The following CDCA2 variants were observed in gnomAD, a reference collection of about 807,000 sequenced individuals.
CDCA2 encodes the protein cell division cycle associated 2.
In CDCA2, 44 loss-of-function variants were observed where a neutral mutation model predicts 67.0. That is an observed-to-expected ratio of 0.66 (90% CI 0.52 to 0.84). The LOEUF (loss-of-function observed/expected upper bound fraction) is 0.84, where lower values mean the gene tolerates loss of function less well. CDCA2 is among the 40% of genes least tolerant of loss of function. The pLI, the probability that CDCA2 is intolerant of heterozygous loss-of-function variation, is 0.00. For missense variants in CDCA2, 1,253 were observed against 1,203.2 expected, an observed-to-expected ratio of 1.04 and a Z score of -0.61; for synonymous variants, 447 against 418.7, an observed-to-expected ratio of 1.07 and a Z score of -0.82.
At chr8:25,493,288 T>A (rs1804084592) in intron 13 of CDCA2, among the ~76,000 whole-genome samples, 1 of 152,196 alleles carries the variant, frequency 6.6e-6, no homozygotes, top group South Asian at 2.1e-4. Flanking sequence ...TAACTAAAAT[T>A]AGATTAAATG....
intron 5 of CDCA2, among the ~76,000 whole-genome samples, chr8:25,466,915 G>A (rs936896760): frequency 6.6e-6 from 1 of 151,824 alleles, no homozygotes; most frequent in Non-Finnish European, 1.5e-5. Context: ...GGTGACACAT[G>A]CCTGTAACTC....
intron 10 of CDCA2, among the ~76,000 whole-genome samples, chr8:25,485,377 A>T (rs1036654551): frequency 2.0e-5 from 3 of 152,084 alleles, no homozygotes; most frequent in Admixed American, 6.5e-5. Context: ...ATCTGTATTT[A>T]TATTGCCATC....
At chr8:25,505,550 G>A (rs1370200497) in intron 14 of CDCA2, among the ~76,000 whole-genome samples, 2 of 152,140 alleles carry the variant, frequency 1.3e-5, no homozygotes, top group East Asian at 3.9e-4. Flanking sequence ...AACATTGGTT[G>A]GCACTGAGTG....
At chr8:25,498,760 C>T (rs1460922510) in intron 13 of CDCA2, among the ~76,000 whole-genome samples, 3 of 152,086 alleles carry the variant, frequency 2.0e-5, no homozygotes, top group Admixed American at 6.5e-5. Flanking sequence ...ACTAATCTTT[C>T]TTCATTCCTA....
rs376437624 is a variant in CDCA2 at position 25,488,697 on chromosome 8, T to G, written c.1671+8T>G. 29 of 1,595,920 alleles carry G rather than the reference T, an allele frequency of 1.8e-5. No individual in the cohort carries two copies. The highest frequency in any genetic ancestry group is 2.3e-5 in the Non-Finnish European group (27 of 1,173,978). On this transcript the variant is annotated splice_region_variant and intron_variant, in intron 13 of 14. Coordinates refer to ENST00000330560, the MANE Select transcript of CDCA2 (RefSeq NM_152562.4). The stretch of plus-strand genomic sequence containing the variant: ...CTTCCTAAGAAGAGTCAGGTAAGCA[T>G]GTGTTTAAAGATATAATAAAGAGTA...
intron 5 of CDCA2, among the ~76,000 whole-genome samples, chr8:25,467,119 C>T (rs1272353422): frequency 7.0e-6 from 1 of 143,742 alleles, no homozygotes; most frequent in African/African-American, 2.5e-5. Flanking sequence ...TATTCTTTAA[C>T]TCTTAGATTG....
At chr8:25,478,117 A>T (rs1421065532) in intron 7 of CDCA2, among the ~76,000 whole-genome samples, 2 of 150,760 alleles carry the variant, frequency 1.3e-5, no homozygotes. Flanking sequence ...TAGGTACAGG[A>T]TCCTACTATG....
intron 9 of CDCA2, among the ~76,000 whole-genome samples, chr8:25,483,756 T>C (rs1037931924): frequency 6.6e-6 from 1 of 152,244 alleles, no homozygotes; most frequent in Non-Finnish European, 1.5e-5. Context: ...AATTTTTACT[T>C]GGAAATCTGT....
intron 7 of CDCA2, among the ~76,000 whole-genome samples, chr8:25,476,766 C>A (rs981027024): frequency 1.3e-5 from 2 of 151,994 alleles, no homozygotes; most frequent in Admixed American, 6.5e-5. Flanking sequence ...GTTGGCCGGG[C>A]TGCTCTCAAA....
At chr8:25,503,055 G>A (rs779410072) in intron 13 of CDCA2, among the ~76,000 whole-genome samples, 1 of 152,240 alleles carries the variant, frequency 6.6e-6, no homozygotes, top group Non-Finnish European at 1.5e-5. Context: ...GCCAAGGCAG[G>A]AGGATCTCTT....
chr8:25,470,905 G>T (rs950189698), intron 7 of CDCA2, among the ~76,000 whole-genome samples: 1 of 151,968 alleles, frequency 6.6e-6, no homozygotes, highest in African/African-American at 2.4e-5. Flanking sequence ...GGGATTACAG[G>T]CGTGCACCAC....
At chr8:25,487,187 A>C (rs983778071) in intron 11 of CDCA2, 59 bp from the exon 12 acceptor site, 2 of 986,648 alleles carry the variant, frequency 2.0e-6, no homozygotes, top group African/African-American at 3.2e-5. Context: ...TTCCAAAGGA[A>C]GATGTATGTT....
intron 4 of CDCA2, 99 bp from the exon 5 acceptor site, chr8:25,466,076 T>A: frequency 9.3e-7 from 1 of 1,077,598 alleles, no homozygotes; most frequent in South Asian, 1.6e-5. Flanking sequence ...AAAAAGCATA[T>A]GTGTACTGTA....
intron 5 of CDCA2, among the ~76,000 whole-genome samples, chr8:25,467,105 GCTATATT>G (rs1222575461): frequency 1.4e-5 from 2 of 143,600 alleles, no homozygotes; most frequent in African/African-American, 5.2e-5. Context: ...CTGATAATCT[GCTATATT>G]CTTTAACTCT....
At chr8:25,488,761 T>C (rs1803883081) in intron 13 of CDCA2, 72 bp downstream of exon 13, 1 of 1,381,700 alleles carries the variant, frequency 7.2e-7, no homozygotes, top group African/African-American at 1.5e-5. Flanking sequence ...TAGGAAAATA[T>C]AGAAACACAT....
chr8:25,498,382 AT>A (rs1804320984), intron 13 of CDCA2, among the ~76,000 whole-genome samples: 1 of 135,744 alleles, frequency 7.4e-6, no homozygotes, highest in Non-Finnish European at 1.6e-5. Flanking sequence ...TAATTTTTGT[AT>A]TTTTAGTAGA....
In CDCA2 at chr8:25,507,821, C is replaced by G; in HGVS notation, c.*83C>G. 2.1e-6 allele frequency: 3 copies of G among 1,407,304 alleles called. No individual in the cohort carries two copies. The highest frequency in any genetic ancestry group is 2.8e-6 in the Non-Finnish European group (3 of 1,067,368). 87.2% of individuals were successfully genotyped at this position (1,407,304 alleles called of 1,614,324 possible). A position where few individuals can be genotyped will look rare whatever the true frequency, so the allele number is the denominator to read the frequency against. On this transcript the variant is annotated 3_prime_UTR_variant, in exon 15 of 15. Coordinates refer to ENST00000330560, the MANE Select transcript of CDCA2 (RefSeq NM_152562.4). ...ATCTGTCTAGTTCCCATTCTCTGTT[C>G]AACCTCAGTGTTTCAAAAGTTCCTA...
At chr8:25,462,422 T>C (rs559953845) in intron 4 of CDCA2, among the ~76,000 whole-genome samples, 1 of 151,908 alleles carries the variant, frequency 6.6e-6, no homozygotes, top group Non-Finnish European at 1.5e-5. Flanking sequence ...AGGTCAGGAG[T>C]TCGAGACCAG....
intron 13 of CDCA2, among the ~76,000 whole-genome samples, chr8:25,496,036 T>A (rs1422478565): frequency 3.9e-5 from 6 of 152,212 alleles, no homozygotes; most frequent in Non-Finnish European, 8.8e-5. Flanking sequence ...TCATTAGACA[T>A]ACCAGTTAAA....
Sources: allele counts gnomAD v4.1 joint callset (sites outside exome capture counted in the v4.1 genomes callset), GRCh38; gene constraint gnomAD v4.1.1; transcripts MANE v1.5; gene names NCBI Gene and HGNC (gene_info 2026-07-23, HGNC 2026-07-21).